NALCN: variants seen among roughly 807,000 people sequenced by gnomAD.
NALCN encodes sodium leak channel NALCN.
Under a neutral mutation model 225.3 loss-of-function variants are expected in NALCN, and 111 were observed. The ratio of observed to expected loss-of-function variants is 0.49; its 90% CI spans 0.42 to 0.58. NALCN has a LOEUF of 0.58. Among genes scored for constraint, NALCN ranks in the 20% least tolerant of loss-of-function variants. NALCN has a pLI of 0.00. For missense variants in NALCN, 1,378 were observed against 2,202.4 expected, an observed-to-expected ratio of 0.63 and a Z score of 7.49; for synonymous variants, 764 against 769.0, an observed-to-expected ratio of 0.99 and a Z score of 0.11.
intron 7 of NALCN, among the ~76,000 whole-genome samples, chr13:101,323,147 TTA>T (rs2044814094): frequency 6.6e-6 from 1 of 152,234 alleles, no homozygotes; most frequent in South Asian, 2.1e-4. Flanking sequence ...TAATATGATT[TTA>T]TTTCACATAT....
chr13:101,236,385 C>A (rs1338140942), intron 12 of NALCN, among the ~76,000 whole-genome samples: 4 of 152,100 alleles, frequency 2.6e-5, no homozygotes, highest in Non-Finnish European at 4.4e-5. Context: ...ACTAGAAATA[C>A]CATTTGACCC....
chr13:101,407,925 G>T (rs2047668721), intron 1 of NALCN, among the ~76,000 whole-genome samples: 1 of 152,184 alleles, frequency 6.6e-6, no homozygotes, highest in South Asian at 2.1e-4. Flanking sequence ...TTTGCTGAGG[G>T]TTTATTAAGT....
intron 7 of NALCN, 111 bp downstream of exon 7, chr13:101,345,155 C>A: frequency 8.9e-7 from 1 of 1,119,756 alleles, no homozygotes; most frequent in Non-Finnish European, 1.3e-6. Flanking sequence ...ATTTGTATTT[C>A]TTCTATACTA....
intron 7 of NALCN, among the ~76,000 whole-genome samples, chr13:101,294,782 C>A (rs1278624511): frequency 2.0e-5 from 3 of 151,828 alleles, no homozygotes; most frequent in Non-Finnish European, 4.4e-5. Flanking sequence ...TGCAGAAGTA[C>A]AGTATACAGA....
chr13:101,336,926 A>C (rs1176812283), intron 7 of NALCN, among the ~76,000 whole-genome samples: 1 of 152,198 alleles, frequency 6.6e-6, no homozygotes, highest in East Asian at 1.9e-4. Context: ...AAAACTTACT[A>C]AAATATACCA....
intron 7 of NALCN, among the ~76,000 whole-genome samples, chr13:101,316,192 A>C (rs1375808301): frequency 1.3e-5 from 2 of 152,162 alleles, no homozygotes; most frequent in Non-Finnish European, 2.9e-5. Context: ...TCAAAACTTA[A>C]ATGCCTTGTC....
chr13:101,380,172 A>G (rs1286953519), intron 3 of NALCN, among the ~76,000 whole-genome samples: 1 of 152,158 alleles, frequency 6.6e-6, no homozygotes, highest in Non-Finnish European at 1.5e-5. Context: ...AAAATGCAAA[A>G]TAACTGAAAT....
At chr13:101,283,901 G>C (rs760460157) in intron 10 of NALCN, 32 bp downstream of exon 10, 4 of 1,553,150 alleles carry the variant, frequency 2.6e-6, no homozygotes, top group Non-Finnish European at 3.5e-6. Flanking sequence ...GACCTTTGCT[G>C]GGCGATTTTT....
chr13:101,135,176 CAG>C (rs2036721399), intron 17 of NALCN, among the ~76,000 whole-genome samples: 1 of 152,206 alleles, frequency 6.6e-6, no homozygotes, highest in Non-Finnish European at 1.5e-5. Context: ...GGCTGGGTGA[CAG>C]AGCGAGACTC....
chr13:101,311,714 C>T (rs1281984049), intron 7 of NALCN, among the ~76,000 whole-genome samples: 16 of 152,036 alleles, frequency 1.1e-4, no homozygotes, highest in Non-Finnish European at 1.8e-4. Flanking sequence ...TGAAGCCCAC[C>T]TGATCATGGT....
chr13:101,115,336 G>A lies in NALCN; in HGVS notation c.2193-4110C>T, dbSNP rs540729131. 5.9e-5 allele frequency among the ~76,000 whole-genome samples: 9 copies of A among 152,240 alleles called. No individual in the cohort carries two copies. In the South Asian group the frequency reaches 1.9e-3, roughly 32 times the overall value. ...TATGTTGTATGTGAAAGCTATTAGG[G>A]AAGCCTGAAAGCCAAGAGGGAGCAG... On this transcript the variant is annotated intron_variant, in intron 18 of 43. Coordinates refer to ENST00000251127, the MANE Select transcript of NALCN (RefSeq NM_052867.4).
intron 3 of NALCN, among the ~76,000 whole-genome samples, chr13:101,383,782 C>A (rs1192519369): frequency 6.6e-6 from 1 of 152,176 alleles, no homozygotes; most frequent in African/African-American, 2.4e-5. Context: ...CTTATGGATA[C>A]TTCCTGGATT....
At chr13:101,188,530 C>A (rs1210617901) in intron 14 of NALCN, among the ~76,000 whole-genome samples, 1 of 151,408 alleles carries the variant, frequency 6.6e-6, no homozygotes, top group Non-Finnish European at 1.5e-5. Flanking sequence ...TAGATGGTAA[C>A]CTTAAGTTTA....
intron 7 of NALCN, among the ~76,000 whole-genome samples, chr13:101,305,063 A>G (rs1201478236): frequency 6.6e-6 from 1 of 152,084 alleles, no homozygotes; most frequent in Non-Finnish European, 1.5e-5. Context: ...CCTGGCCTGG[A>G]ATAATTTTTA....
intron 17 of NALCN, 164 bp downstream of exon 17, chr13:101,142,916 G>C (rs1281272945): frequency 1.0e-6 from 1 of 991,300 alleles, no homozygotes; most frequent in East Asian, 2.6e-5. Flanking sequence ...TCAATGCATA[G>C]AGTAAAAAAT....
At chr13:101,342,800 G>C (rs2045599407) in intron 7 of NALCN, among the ~76,000 whole-genome samples, 1 of 152,036 alleles carries the variant, frequency 6.6e-6, no homozygotes, top group Admixed American at 6.6e-5. Context: ...TACAACAGGG[G>C]TTCCTTGTAA....
At chr13:101,358,069 C>A (rs908984489) in intron 6 of NALCN, among the ~76,000 whole-genome samples, 6 of 152,206 alleles carry the variant, frequency 3.9e-5, no homozygotes, top group Admixed American at 1.3e-4. Context: ...AACCCATAAC[C>A]ATAAAAACCC....
At chr13:101,173,721 C>CT (rs2038843078) in intron 15 of NALCN, among the ~76,000 whole-genome samples, 1 of 152,100 alleles carries the variant, frequency 6.6e-6, no homozygotes, top group Non-Finnish European at 1.5e-5. Context: ...AAATCAAATA[C>CT]TTTTTTTGAA....
At position 101,292,501 on chromosome 13, in the gene NALCN, A is replaced by C; in HGVS notation, c.800-135T>G. The C allele has an allele frequency of 1.2e-6, 1 of 861,684 alleles. No individual in the cohort carries two copies. The highest frequency in any genetic ancestry group is 1.7e-6 in the Non-Finnish European group (1 of 586,498). The allele number at this position is 861,684 out of a possible 1,614,324, so 53.4% of individuals were successfully genotyped here. The stretch of plus-strand genomic sequence containing the variant: ...AGTGCTTCAAAAATTGATTAGAATC[A>C]CATGCAACACATTTTACTGTTCTCT... On this transcript the variant is annotated intron_variant, in intron 7 of 43. Transcript: ENST00000251127. The surrounding 1 kb of genome is among the most constrained non-coding windows in gnomAD (Gnocchi z 4.3).
Sources: allele counts gnomAD v4.1 joint callset (sites outside exome capture counted in the v4.1 genomes callset), GRCh38; gene constraint gnomAD v4.1.1; non-coding constraint Gnocchi (gnomAD v3.1); transcripts MANE v1.5; gene names NCBI Gene and HGNC (gene_info 2026-07-23, HGNC 2026-07-21).